NVL: variants seen among roughly 807,000 people sequenced by gnomAD.
NVL encodes nuclear valosin-containing protein-like.
A neutral mutation model predicts 110.2 loss-of-function variants in NVL; 84 were observed. The ratio of observed to expected loss-of-function variants is 0.76; its 90% CI spans 0.64 to 0.91. The LOEUF is 0.91. Ranked by LOEUF, NVL falls within the 40% of genes least tolerant of loss-of-function variation. NVL has a pLI of 0.00. For synonymous variants in NVL, 354 were observed against 361.1 expected (o/e 0.98, Z 0.22); for missense variants, 882 against 1,035.9 (o/e 0.85, Z 2.04).
At chr1:224,257,222 T>C (rs1254128245) in intron 18 of NVL, 8 of 441,998 alleles carry the variant, frequency 1.8e-5, no homozygotes, top group Admixed American at 3.0e-5. Context: ...AATGAGATGG[T>C]TGCCTGAAAA....
chr1:224,264,146 G>T (rs61826448), intron 18 of NVL, among the ~76,000 whole-genome samples: 12,662 of 152,212 alleles, frequency 0.083, 716 homozygotes, highest in Non-Finnish European at 0.11. Context: ...CTCTGGTCCA[G>T]CCACTCCAGC....
intron 17 of NVL, among the ~76,000 whole-genome samples, chr1:224,273,807 G>A (rs1276881989): frequency 6.6e-6 from 1 of 152,098 alleles, no homozygotes; most frequent in African/African-American, 2.4e-5. Flanking sequence ...GGGGAACCTG[G>A]GAAGGATCTC....
rs990304907 is a variant in NVL at position 224,251,038 on chromosome 1, C to T, written c.2183-720G>A. On this transcript the variant is annotated intron_variant, in intron 18 of 22. Transcript: ENST00000281701. The stretch of plus-strand genomic sequence containing the variant: ...CCTGTAATCCCAGCACTTTGGGAGG[C>T]CAAGGCAGGCAGATTACCTGAGGTC... Among the ~76,000 whole-genome samples, 27 of 151,904 alleles carry T rather than the reference C, an allele frequency of 1.8e-4. 1 individual carries two copies. Among genetic ancestry groups the T allele is most frequent in the Non-Finnish European group, 4.4e-5 (3 of 67,952 alleles).
At chr1:224,314,558 A>G (rs1419410884) in intron 4 of NVL, among the ~76,000 whole-genome samples, 1 of 152,216 alleles carries the variant, frequency 6.6e-6, no homozygotes, top group Non-Finnish European at 1.5e-5. Context: ...AGCAAAATTA[A>G]AATTTATCGA....
intron 19 of NVL, among the ~76,000 whole-genome samples, chr1:224,244,986 C>T (rs1441085278): frequency 6.6e-6 from 1 of 152,082 alleles, no homozygotes; most frequent in Non-Finnish European, 1.5e-5. Context: ...GTACCTGGCC[C>T]ACTCGCTCTT....
At chr1:224,249,453 G>A (rs936517234) in intron 19 of NVL, among the ~76,000 whole-genome samples, 6 of 152,008 alleles carry the variant, frequency 3.9e-5, no homozygotes, top group African/African-American at 1.4e-4. Flanking sequence ...TTAAATATAG[G>A]GTCTTGCGGG....
rs568318472 is a variant in NVL, at chr1:224,282,662, T to C, written c.1900-1477A>G. On this transcript the variant is annotated intron_variant, in intron 15 of 22. Coordinates refer to ENST00000281701, the MANE Select transcript of NVL (RefSeq NM_002533.4). ...TCTTTCCTATTCTTAGAACCTGGTATCTGAGCTCCCCATCTATGTTCCACT... is the reference window on the plus strand; with the variant it reads ...TCTTTCCTATTCTTAGAACCTGGTACCTGAGCTCCCCATCTATGTTCCACT... Among the ~76,000 whole-genome samples, 22 of 152,346 alleles carry C rather than the reference T, an allele frequency of 1.4e-4. No individual in the cohort carries two copies. In the South Asian group the frequency reaches 4.1e-3, roughly 29 times the overall value.
rs753042123 is a variant in NVL, at chr1:224,326,413, A to C, written c.109T>G (p.Ser37Ala). The C allele has an allele frequency of 6.2e-7, 1 of 1,612,134 alleles. No homozygotes were observed. The highest frequency in any genetic ancestry group is 8.5e-7 in the Non-Finnish European group (1 of 1,178,802). The part of the protein sequence containing the change: ...GKYVDIGVLA[S>A]DLQRVYSIDY... Reference sequence around the variant, plus strand: ...TACCTGTACACTCTTTGTAAATCAGACGCTAAGACTCCAATGTCCACATAT... The same window carrying C: ...TACCTGTACACTCTTTGTAAATCAGCCGCTAAGACTCCAATGTCCACATAT... The change falls in exon 2 of 23, where the codon TCT becomes GCT. Residue 37 changes from serine (S) to alanine (A), a missense_variant. By Grantham distance (99) the Ser-to-Ala change is moderately conservative. Transcript: ENST00000281701.
At chr1:224,241,729 G>A (rs189509457) in intron 19 of NVL, among the ~76,000 whole-genome samples, 200 of 151,858 alleles carry the variant, frequency 1.3e-3, no homozygotes, top group African/African-American at 4.7e-3. Context: ...GGTGGCAGTT[G>A]CCTGTAATCC....
intron 16 of NVL, among the ~76,000 whole-genome samples, chr1:224,276,520 G>T (rs900456491): frequency 1.3e-5 from 2 of 152,178 alleles, no homozygotes; most frequent in African/African-American, 2.4e-5. Flanking sequence ...TTACAGGCAT[G>T]AGCCACTGCC....
At chr1:224,257,061 C>T in intron 18 of NVL, 1 of 532,468 alleles carries the variant, frequency 1.9e-6, no homozygotes, top group Non-Finnish European at 3.9e-6. Context: ...GCCCTCTCAA[C>T]CCAGCTTTTC....
At position 224,294,364 on chromosome 1, in the gene NVL, TAGCTCCAATAACTAGGACCCGGGCTGTAG is replaced by T. The variant is rs759588648; in HGVS notation, c.1199_1227del (p.Ala400AspfsTer2). The T allele has an allele frequency of 6.2e-7, 1 of 1,614,160 alleles. No homozygotes were observed. The highest frequency in any genetic ancestry group is 2.2e-5 in the East Asian group (1 of 44,882). On this transcript the variant is annotated frameshift_variant, in exon 12 of 23. Coordinates refer to ENST00000281701, the MANE Select transcript of NVL (RefSeq NM_002533.4). LOFTEE classifies it high-confidence loss of function. ...GGGTCTAACGAGTCTGGTCGATTAG[TAGCTCCAATAACTAGGACCCGGGCTGTAG>T]CAGCCACATTATTCAGATCTAGTAA...
At chr1:224,281,993 G>A (rs772437920) in intron 15 of NVL, among the ~76,000 whole-genome samples, 4 of 149,112 alleles carry the variant, frequency 2.7e-5, no homozygotes, top group Non-Finnish European at 5.9e-5. Flanking sequence ...GGGAAAAGGG[G>A]AATGGATAAA....
chr1:224,284,246 TA>T (rs1468568459), intron 15 of NVL, among the ~76,000 whole-genome samples: 3 of 151,902 alleles, frequency 2.0e-5, no homozygotes, highest in Admixed American at 6.6e-5. Context: ...CATTTATAAA[TA>T]ACAAATCTTA....
chr1:224,233,440 T>C (rs1433043729), intron 20 of NVL, 151 bp from the exon 21 acceptor site: 6 of 568,252 alleles, frequency 1.1e-5, no homozygotes, highest in African/African-American at 9.7e-5. Flanking sequence ...TATCAATCAA[T>C]AGAAAAGAGC....
At chr1:224,269,148 T>G (rs1370819286) in intron 17 of NVL, among the ~76,000 whole-genome samples, 1 of 147,876 alleles carries the variant, frequency 6.8e-6, no homozygotes, top group Non-Finnish European at 1.5e-5. Context: ...AGTGTACTGG[T>G]GTGATATCAG....
intron 18 of NVL, chr1:224,257,247 A>C (rs1663382212): frequency 4.8e-6 from 2 of 415,800 alleles, no homozygotes; most frequent in East Asian, 1.3e-4. Context: ...CCCTCCTTTC[A>C]TCTGTTGATA....
chr1:224,240,983 G>A (rs1004492811), intron 19 of NVL, among the ~76,000 whole-genome samples: 8 of 151,802 alleles, frequency 5.3e-5, no homozygotes, highest in African/African-American at 1.7e-4. Flanking sequence ...GTAGAGATGG[G>A]TTTCACCATG....
rs1010299086 is a variant in NVL at position 224,288,723 on chromosome 1, G to C, written c.1576-730C>G. On this transcript the variant is annotated intron_variant, in intron 13 of 22. Transcript: ENST00000281701. ...AGGAAATCACAACCACTTAAGCTTA[G>C]TGCCTTTGATTATAAAATGGGGAAA... Among the ~76,000 whole-genome samples, 3 of 152,248 alleles carry C rather than the reference G, an allele frequency of 2.0e-5. No individual in the cohort carries two copies. The East Asian group carries it at 5.8e-4, about 29-fold the overall frequency.
Sources: gnomAD v4.1 joint callset for allele counts (sites outside exome capture counted in the v4.1 genomes callset) on GRCh38, gnomAD v4.1.1 for gene constraint, MANE v1.5 for transcripts, NCBI Gene and HGNC (gene_info 2026-07-23, HGNC 2026-07-21) for gene names.